The following ZNF540 variants were observed in gnomAD, a reference collection of about 807,000 sequenced individuals.
The protein encoded by ZNF540 is zinc finger protein 540.
Under a neutral mutation model 11.8 loss-of-function variants are expected in ZNF540, and 3 were observed. That is an observed-to-expected ratio of 0.25 (90% CI 0.12 to 0.65). The LOEUF (loss-of-function observed/expected upper bound fraction) is 0.65. Among genes scored for constraint, ZNF540 ranks in the 30% least tolerant of loss-of-function variants. The probability of loss-of-function intolerance (pLI) is 0.83; values close to 1 mark genes in which losing one functional copy is unlikely to be tolerated. For synonymous variants in ZNF540, 247 were observed against 259.0 expected, an observed-to-expected ratio of 0.95 and a Z score of 0.45; for missense variants, 709 against 793.1, an observed-to-expected ratio of 0.89 and a Z score of 1.27.
Position 37,613,356 on chromosome 19 carries a change from C to A in ZNF540, c.*93C>A. ...GTCAATGTGTTGATGTTTTTTTACA[C>A]ATATTAACTTAATAAATGTATGAGT... On this transcript the variant is annotated 3_prime_UTR_variant, in exon 5 of 5. Transcript: ENST00000316433. 1.1e-6 allele frequency: 1 copy of A among 912,146 alleles called. No homozygotes were observed. Among genetic ancestry groups the A allele is most frequent in the Non-Finnish European group, 1.5e-6 (1 of 650,360 alleles). The allele number at this position is 912,146 out of a possible 1,614,324, so 56.5% of individuals were successfully genotyped here.
chr19:37,562,768 T>A (rs1600447277), intron 1 of ZNF540: 1 of 152,372 alleles, frequency 6.6e-6, no homozygotes, highest in African/African-American at 2.4e-5. Context: ...GTCACTATAG[T>A]ATCTGTTCCT....
chr19:37,575,120 G>C (rs144266599), intron 1 of ZNF540, among the ~76,000 whole-genome samples: 1 of 152,176 alleles, frequency 6.6e-6, no homozygotes, highest in Non-Finnish European at 1.5e-5. Context: ...TGAAGCTGAT[G>C]TTCCACTTAA....
chr19:37,600,812 T>C (rs919403478), intron 3 of ZNF540, among the ~76,000 whole-genome samples, 198 bp from the exon 4 acceptor site: 1 of 152,150 alleles, frequency 6.6e-6, no homozygotes, highest in Non-Finnish European at 1.5e-5. Flanking sequence ...TGAATTTTAA[T>C]TCCCCTGCCC....
At chr19:37,553,425 G>A (rs547500963) in intron 1 of ZNF540, among the ~76,000 whole-genome samples, 7 of 152,010 alleles carry the variant, frequency 4.6e-5, no homozygotes, top group African/African-American at 1.2e-4. Context: ...CAGCCACCAC[G>A]CCTGGCTTTC....
chr19:37,611,309 G>A (rs947963174), intron 4 of ZNF540: 2 of 387,384 alleles, frequency 5.2e-6, no homozygotes, highest in African/African-American at 4.2e-5. Flanking sequence ...TTACAGGCAT[G>A]AGCCACCGCG....
At chr19:37,560,150 C>T (rs1450696445) in intron 1 of ZNF540, among the ~76,000 whole-genome samples, 2 of 151,568 alleles carry the variant, frequency 1.3e-5, no homozygotes, top group Non-Finnish European at 2.9e-5. Flanking sequence ...TGGTGGCAGG[C>T]GCCTGTAATA....
chr19:37,611,958 T>G lies in ZNF540; in HGVS notation c.678T>G (p.His226Gln). ...KCEKCGKVFS[H>Q]SYQLTLHQRF... ...AGAAATGTGGGAAAGTTTTTAGTCATAGCTATCAACTTACTCTGCATCAGA... is the reference window on the plus strand; with the variant it reads ...AGAAATGTGGGAAAGTTTTTAGTCAGAGCTATCAACTTACTCTGCATCAGA... Residue 226 changes from histidine (H) to glutamine (Q), a missense_variant, in exon 5 of 5, where the codon CAT becomes CAG. Transcript: ENST00000316433. 1.2e-6 allele frequency: 2 copies of G among 1,613,638 alleles called. No individual in the cohort carries two copies. Among genetic ancestry groups the G allele is most frequent in the South Asian group, 2.2e-5 (2 of 91,066 alleles).
chr19:37,560,826 G>T (rs1207285594), intron 1 of ZNF540: 1 of 152,070 alleles, frequency 6.6e-6, no homozygotes, highest in African/African-American at 2.4e-5. Flanking sequence ...CATTTTGAGA[G>T]AAATTTGTCT....
upstream of ZNF540, among the ~76,000 whole-genome samples, chr19:37,592,634 G>C (rs1307484874): frequency 6.6e-6 from 1 of 152,228 alleles, no homozygotes; most frequent in African/African-American, 2.4e-5. Context: ...CTGAAAGTGG[G>C]ACATCAGACT....
intron 3 of ZNF540, among the ~76,000 whole-genome samples, chr19:37,600,179 G>A (rs1332845673): frequency 6.6e-6 from 1 of 152,112 alleles, no homozygotes; most frequent in Admixed American, 6.5e-5. Flanking sequence ...CAATAACATT[G>A]ATTTAAAATT....
chr19:37,564,861 TTC>T, intron 1 of ZNF540: 5 of 1,614,096 alleles, frequency 3.1e-6, no homozygotes, highest in Non-Finnish European at 2.5e-6. Context: ...CCTCTGTGAA[TTC>T]TCTGATGTTC....
intron 1 of ZNF540, among the ~76,000 whole-genome samples, chr19:37,556,730 C>G (rs1054750017): frequency 1.3e-5 from 2 of 152,164 alleles, no homozygotes; most frequent in Non-Finnish European, 2.9e-5. Context: ...TTAGCTTAGG[C>G]AAGATAGGCG....
intron 1 of ZNF540, among the ~76,000 whole-genome samples, chr19:37,579,808 C>G (rs903504677): frequency 2.6e-5 from 4 of 152,202 alleles, no homozygotes; most frequent in African/African-American, 9.6e-5. Flanking sequence ...ATACTACTGA[C>G]AGACCATAAC....
chr19:37,600,460 A>T (rs2044030156), intron 3 of ZNF540, among the ~76,000 whole-genome samples: 1 of 152,244 alleles, frequency 6.6e-6, no homozygotes, highest in Non-Finnish European at 1.5e-5. Context: ...GAAATATTTT[A>T]GGAAGCTTCT....
intron 1 of ZNF540, chr19:37,565,279 T>C: frequency 3.1e-6 from 5 of 1,610,852 alleles, no homozygotes; most frequent in Non-Finnish European, 8.5e-7. Flanking sequence ...CTGAATGAAC[T>C]CTCAGGTGGT....
At chr19:37,561,212 G>C (rs1395717095) in intron 1 of ZNF540, among the ~76,000 whole-genome samples, 1 of 152,052 alleles carries the variant, frequency 6.6e-6, no homozygotes, top group Non-Finnish European at 1.5e-5. Context: ...TCCAGCCTGG[G>C]TGACAGAGAG....
At chr19:37,556,798 T>C (rs1385005534) in intron 1 of ZNF540, among the ~76,000 whole-genome samples, 1 of 152,214 alleles carries the variant, frequency 6.6e-6, no homozygotes, top group Non-Finnish European at 1.5e-5. Context: ...GGGGTGCACC[T>C]TACTCTAAGT....
intron 1 of ZNF540, among the ~76,000 whole-genome samples, chr19:37,570,982 A>G (rs559066124): frequency 6.6e-6 from 1 of 152,322 alleles, no homozygotes; most frequent in African/African-American, 2.4e-5. Flanking sequence ...TTTTAAATCT[A>G]CTAACAGTAT....
At position 37,565,883 on chromosome 19, in the gene ZNF540, T is replaced by C. The variant is rs775235518; in HGVS notation, c.-73+14218T>C. On this transcript the variant is annotated intron_variant, in intron 1 of 4. Coordinates refer to the ZNF540 transcript ENST00000592533. Reference sequence around the variant, plus strand: ...AGTCTGAATTCTCTGATGTTGAATATAGCTTGGCTTTTTGCTAAAGGTATT... The same window carrying C: ...AGTCTGAATTCTCTGATGTTGAATACAGCTTGGCTTTTTGCTAAAGGTATT... The C allele has an allele frequency of 5.0e-6, 8 of 1,613,810 alleles. No homozygotes were observed. In the Admixed American group the frequency reaches 1.0e-4, roughly 20 times the overall value.
Sources: gnomAD v4.1 joint callset for allele counts (sites outside exome capture counted in the v4.1 genomes callset) on GRCh38, gnomAD v4.1.1 for gene constraint, MANE v1.5 for transcripts, NCBI Gene and HGNC (gene_info 2026-07-23, HGNC 2026-07-21) for gene names.